Variants in BPTF observed in about 807,000 individuals in gnomAD.
The protein encoded by BPTF is nucleosome-remodeling factor subunit BPTF.
A neutral mutation model predicts 292.5 loss-of-function variants in BPTF; 18 were observed. The ratio of observed to expected loss-of-function variants is 0.06; its 90% CI spans 0.04 to 0.09. BPTF has a LOEUF of 0.09. Among genes scored for constraint, BPTF ranks in the 10% least tolerant of loss-of-function variants. The probability of loss-of-function intolerance (pLI) is 1.00; values close to 1 mark genes in which losing one functional copy is unlikely to be tolerated. For missense variants in BPTF, 2,726 were observed against 3,498.7 expected (o/e 0.78, Z 5.57); for synonymous variants, 1,225 against 1,251.9 (o/e 0.98, Z 0.45).
intron 4 of BPTF, among the ~76,000 whole-genome samples, chr17:67,889,221 C>T (rs981139108): frequency 6.6e-6 from 1 of 152,136 alleles, no homozygotes; most frequent in Non-Finnish European, 1.5e-5. Context: ...CAGTAAAGAC[C>T]TCTACCCTCA....
Position 67,909,589 on chromosome 17 carries a change from TAATATGGATGAA to T in BPTF, c.2832_2843del (p.Asn945_Glu948del), listed in dbSNP as rs749412697. The stretch of plus-strand genomic sequence containing the variant: ...TTACATGGTTCTTTTTAGCCAAAAA[TAATATGGATGAA>T]AATATGGATGAGTCAGATAAAAGAA... On this transcript the variant is annotated inframe_deletion, in exon 10 of 28. Transcript: ENST00000306378. 1.9e-6 allele frequency: 3 copies of T among 1,546,270 alleles called. No individual in the cohort carries two copies. The highest frequency in any genetic ancestry group is 2.8e-5 in the African/African-American group (2 of 71,948).
rs751578544 is a variant in BPTF, at chr17:67,910,914, C to T, written c.3030C>T (p.Pro1010=). Residue 1010 remains proline, a synonymous_variant, in exon 11 of 28, where the codon CCC becomes CCT. Coordinates refer to ENST00000306378, the MANE Select transcript of BPTF (RefSeq NM_182641.4). ...TCTTAGATTCTGACAGTGATAAACC[C>T]TGCAAGGAAGAACCAATGGAAGTAG... ...KELLDSDSDK[P]CKEEPMEVDD... The T allele has an allele frequency of 1.9e-6, 3 of 1,612,738 alleles. No homozygotes were observed. The highest frequency in any genetic ancestry group is 2.2e-5 in the East Asian group (1 of 44,852).
chr17:67,971,153 A>C (rs950006687), intron 26 of BPTF, among the ~76,000 whole-genome samples: 3 of 152,146 alleles, frequency 2.0e-5, no homozygotes, highest in Non-Finnish European at 2.9e-5. Flanking sequence ...ATCTCGGCTC[A>C]CTGCAACCTC....
intron 1 of BPTF, among the ~76,000 whole-genome samples, chr17:67,845,079 A>T (rs1017159044): frequency 6.6e-6 from 1 of 152,106 alleles, no homozygotes; most frequent in African/African-American, 2.4e-5. Flanking sequence ...AGTTTAGTAT[A>T]CTTGTGATAG....
rs745489977 is a variant in BPTF, at chr17:67,854,231, A to G, written c.905A>G (p.Asn302Ser). Residue 302 changes from asparagine (N) to serine (S), a missense_variant, in exon 2 of 28, where the codon AAT becomes AGT. Asn to Ser is a conservative substitution (Grantham distance 46). Transcript: ENST00000306378. This position sits in a 1 kb window ranked among gnomAD's most constrained non-coding sequence, Gnocchi z 5.6. Reference sequence around the variant, plus strand: ...GTTCTGCGTGAAGAAGACACTTCCAATACTACCTTTGGACCTGCTGATCTG... The same window carrying G: ...GTTCTGCGTGAAGAAGACACTTCCAGTACTACCTTTGGACCTGCTGATCTG... ...KAVLREEDTS[N>S]TTFGPADLKD... 19 of 1,614,080 alleles carry G rather than the reference A, an allele frequency of 1.2e-5. No individual in the cohort carries two copies. Among genetic ancestry groups the G allele is most frequent in the Middle Eastern group, 1.6e-4 (1 of 6,084 alleles).
At chr17:67,957,444 G>A (rs1555681626) in intron 23 of BPTF, among the ~76,000 whole-genome samples, 2 of 152,228 alleles carry the variant, frequency 1.3e-5, no homozygotes, top group Admixed American at 6.5e-5. Context: ...GCTCACACCT[G>A]TAATCCAAGC....
At chr17:67,976,116 T>G (rs2069380689) in intron 27 of BPTF, 158 bp downstream of exon 27, 1 of 546,092 alleles carries the variant, frequency 1.8e-6, no homozygotes. Flanking sequence ...TATGATCTAC[T>G]GCCAAGGAGA....
intron 12 of BPTF, among the ~76,000 whole-genome samples, chr17:67,919,486 A>G (rs61297499): frequency 0.078 from 11,798 of 152,092 alleles, 1,562 homozygotes; most frequent in African/African-American, 0.27. Context: ...GGTTGCAGTG[A>G]CTGTGGTCCA....
At chr17:67,848,878 C>T (rs2058217628) in intron 1 of BPTF, among the ~76,000 whole-genome samples, 1 of 152,172 alleles carries the variant, frequency 6.6e-6, no homozygotes, top group Non-Finnish European at 1.5e-5. Context: ...AAATTCACTC[C>T]CTTAACCTAG....
chr17:67,897,921 A>T (rs1253726878), intron 7 of BPTF, among the ~76,000 whole-genome samples: 2 of 152,184 alleles, frequency 1.3e-5, no homozygotes, highest in Non-Finnish European at 2.9e-5. Context: ...TTAATAATTA[A>T]TAGCAAATAG....
chr17:67,910,306 T>C (rs1598593191), intron 10 of BPTF, among the ~76,000 whole-genome samples: 1 of 152,232 alleles, frequency 6.6e-6, no homozygotes, highest in East Asian at 1.9e-4. Flanking sequence ...ATACGAATAA[T>C]GCTGCTATGA....
At chr17:67,934,495 G>A (rs2147643924) in intron 18 of BPTF, among the ~76,000 whole-genome samples, 1 of 151,588 alleles carries the variant, frequency 6.6e-6, no homozygotes, top group Admixed American at 6.6e-5. Context: ...CTGCAGCCTG[G>A]GCAACAAGAG....
intron 4 of BPTF, among the ~76,000 whole-genome samples, chr17:67,888,150 C>T (rs1040861231): frequency 6.6e-6 from 1 of 152,200 alleles, no homozygotes; most frequent in Admixed American, 6.5e-5. Flanking sequence ...TGTTCTCATA[C>T]ATACAATTCA....
At chr17:67,875,115 C>G in intron 4 of BPTF, 95 bp downstream of exon 4, 1 of 1,016,574 alleles carries the variant, frequency 9.8e-7, no homozygotes, top group African/African-American at 1.6e-5. Context: ...ATATTGCAAG[C>G]AGCTACCTAA....
chr17:67,955,055 C>T (rs1241003847), intron 23 of BPTF, among the ~76,000 whole-genome samples: 12 of 149,640 alleles, frequency 8.0e-5, no homozygotes, highest in South Asian at 2.1e-4. Flanking sequence ...TTTGGGAGGC[C>T]GAGGCGGGCG....
At chr17:67,961,612 C>T (rs1555684087) in intron 24 of BPTF, among the ~76,000 whole-genome samples, 1 of 152,038 alleles carries the variant, frequency 6.6e-6, no homozygotes, top group African/African-American at 2.4e-5. Context: ...TTTGGGAGGC[C>T]GAAGTGGGAG....
Position 67,891,986 on chromosome 17 carries a change from G to A in BPTF, c.2007G>A (p.Val669=). ...SKLSQLKSQQ[V]AAAAHEANKL... ...TTAGTCAGCTGAAGAGCCAGCAGGT[G>A]GCAGCCGCTGCACATGAAGCAAATA... Residue 669 remains valine, a synonymous_variant, in exon 5 of 28, where the codon GTG becomes GTA. Coordinates refer to ENST00000306378, the MANE Select transcript of BPTF (RefSeq NM_182641.4). 6.2e-7 allele frequency: 1 copy of A among 1,608,900 alleles called. No individual in the cohort carries two copies. The highest frequency in any genetic ancestry group is 1.1e-5 in the South Asian group (1 of 90,116).
At chr17:67,963,503 C>T in intron 24 of BPTF, 3 of 1,522,132 alleles carry the variant, frequency 2.0e-6, no homozygotes, top group Non-Finnish European at 2.6e-6. Context: ...TATGATGAGT[C>T]ACAGTGAGTT....
chr17:67,978,009 C>T (rs2069755879), intron 27 of BPTF: 1 of 150,826 alleles, frequency 6.6e-6, no homozygotes, highest in African/African-American at 2.4e-5. Flanking sequence ...CATGTGCCAC[C>T]ACGCCCGGCT....
Sources: gnomAD v4.1 joint callset for allele counts (sites outside exome capture counted in the v4.1 genomes callset) on GRCh38, gnomAD v4.1.1 for gene constraint, Gnocchi (gnomAD v3.1) non-coding constraint, MANE v1.5 for transcripts, NCBI Gene and HGNC (gene_info 2026-07-23, HGNC 2026-07-21) for gene names.